COL23A1: variants seen among roughly 807,000 people sequenced by gnomAD.
COL23A1 encodes the protein collagen type XXIII alpha 1 chain, also known as collagen alpha-1(XXIII) chain.
In COL23A1, 97 loss-of-function variants were observed where a neutral mutation model predicts 99.3. The observed-to-expected ratio is 0.98, with a 90% CI of 0.83 to 1.16. The LOEUF is 1.16. Ranked by LOEUF, COL23A1 falls within the 50% of genes most tolerant of loss-of-function variation. The pLI is 0.00. For synonymous variants in COL23A1, 320 were observed against 308.2 expected (o/e 1.04, Z -0.40); for missense variants, 762 against 757.4 (o/e 1.01, Z -0.07).
rs536057943 is a variant in COL23A1 at position 178,447,721 on chromosome 5, T to C, written c.361+112961A>G. On this transcript the variant is annotated intron_variant, in intron 2 of 28. Coordinates refer to ENST00000390654, the MANE Select transcript of COL23A1 (RefSeq NM_173465.4). ...AATGCATCCCAGTTGTTAAGCTACA[T>C]GTGACCATATCTGGAAGAGAAAAAG... is the stretch of plus-strand genomic sequence containing the variant. 8.5e-5 allele frequency among the ~76,000 whole-genome samples: 13 copies of C among 152,252 alleles called. No individual in the cohort carries two copies. In the South Asian group the frequency reaches 2.3e-3, roughly 27 times the overall value.
intron 3 of COL23A1, among the ~76,000 whole-genome samples, chr5:178,299,347 A>T (rs1481983679): frequency 1.3e-5 from 2 of 152,190 alleles, no homozygotes; most frequent in Non-Finnish European, 2.9e-5. Context: ...AGGTCTATTC[A>T]GATTTTTGAC....
At chr5:178,537,441 T>C (rs1761036370) in intron 2 of COL23A1, among the ~76,000 whole-genome samples, 1 of 152,218 alleles carries the variant, frequency 6.6e-6, no homozygotes, top group Non-Finnish European at 1.5e-5. Context: ...CGATATTTCC[T>C]GGGTCATAGA....
intron 2 of COL23A1, among the ~76,000 whole-genome samples, chr5:178,379,396 G>C (rs985907471): frequency 2.0e-4 from 31 of 152,188 alleles, no homozygotes; most frequent in Non-Finnish European, 1.3e-4. Flanking sequence ...TACATGCAGA[G>C]AAAGAGGCCT....
intron 2 of COL23A1, among the ~76,000 whole-genome samples, chr5:178,325,010 G>A (rs569868707): frequency 5.9e-5 from 9 of 152,330 alleles, no homozygotes; most frequent in South Asian, 2.1e-4. Flanking sequence ...AACACCTCGC[G>A]AAGCAGCCAC....
intron 2 of COL23A1, among the ~76,000 whole-genome samples, chr5:178,501,076 C>T (rs1249243866): frequency 6.6e-6 from 1 of 152,108 alleles, no homozygotes; most frequent in Admixed American, 6.5e-5. Context: ...TCCCACTATG[C>T]ACAAATAAAA....
chr5:178,241,819 G>C (rs1302923834), intron 27 of COL23A1, among the ~76,000 whole-genome samples: 1 of 152,256 alleles, frequency 6.6e-6, no homozygotes, highest in African/African-American at 2.4e-5. Flanking sequence ...GAGGGGCTGG[G>C]TTCCCTGAGT....
chr5:178,380,622 C>T (rs6875766), intron 2 of COL23A1, among the ~76,000 whole-genome samples: 2,930 of 152,142 alleles, frequency 0.019, 99 homozygotes, highest in African/African-American at 0.067. Flanking sequence ...CGTTTTAAAA[C>T]CAGAATGAGT....
intron 5 of COL23A1, 66 bp downstream of exon 5, chr5:178,288,258 C>T (rs1409763342): frequency 3.8e-6 from 5 of 1,325,294 alleles, no homozygotes; most frequent in South Asian, 1.2e-5. Context: ...TAAATCAAGG[C>T]TCAGGGAAAG....
intron 2 of COL23A1, among the ~76,000 whole-genome samples, chr5:178,389,885 G>A (rs185740873): frequency 2.8e-4 from 42 of 152,320 alleles, no homozygotes; most frequent in Admixed American, 2.0e-3. Context: ...CTCCTGAGCC[G>A]TTCTGAAGTG....
chr5:178,265,880 G>A, intron 8 of COL23A1: 1 of 171,874 alleles, frequency 5.8e-6, no homozygotes, highest in Non-Finnish European at 1.2e-5. Flanking sequence ...AAGGATGGCT[G>A]CTTACCAGCT....
intron 1 of COL23A1, among the ~76,000 whole-genome samples, chr5:178,586,932 T>G (rs186140795): frequency 1.3e-5 from 2 of 152,270 alleles, no homozygotes. Flanking sequence ...TTTACTCGAG[T>G]CTCTGGGCTT....
chr5:178,494,385 G>C (rs2127975525), intron 2 of COL23A1, among the ~76,000 whole-genome samples: 1 of 152,308 alleles, frequency 6.6e-6, no homozygotes, highest in South Asian at 2.1e-4. Context: ...TGGGAGGATG[G>C]GGGTTGCTCC....
chr5:178,292,169 C>T (rs1757496531), intron 3 of COL23A1, among the ~76,000 whole-genome samples: 1 of 152,112 alleles, frequency 6.6e-6, no homozygotes, highest in Non-Finnish European at 1.5e-5. Context: ...CTGTACCTGC[C>T]TTTCCACCTG....
chr5:178,249,305 T>C (rs1764885721), intron 18 of COL23A1, 99 bp from the exon 19 acceptor site: 1 of 1,180,168 alleles, frequency 8.5e-7, no homozygotes, highest in Non-Finnish European at 1.3e-6. Flanking sequence ...AGGGCCCCAC[T>C]TTCTCTTTGT....
At chr5:178,546,933 G>A (rs1193755645) in intron 2 of COL23A1, among the ~76,000 whole-genome samples, 3 of 152,144 alleles carry the variant, frequency 2.0e-5, no homozygotes, top group African/African-American at 7.2e-5. Context: ...GGAGGAACAC[G>A]GAGGAGGCAC....
Position 178,324,383 on chromosome 5 carries a change from T to C in COL23A1, c.362-17464A>G, listed in dbSNP as rs530301511. Among the ~76,000 whole-genome samples the C allele has an allele frequency of 2.6e-5, 4 of 152,290 alleles. No homozygotes were observed. In the South Asian group the frequency reaches 8.3e-4, roughly 32 times the overall value. On this transcript the variant is annotated intron_variant, in intron 2 of 28. Transcript: ENST00000390654. ...GCTTTTCACCGTGCTGTGTTGTCTT[T>C]TATGCGCTCAGGATGGCTGGAGTCA...
intron 2 of COL23A1, among the ~76,000 whole-genome samples, chr5:178,552,842 T>G (rs1410668311): frequency 6.6e-6 from 1 of 151,806 alleles, no homozygotes; most frequent in Non-Finnish European, 1.5e-5. Context: ...GTCTCCTGAG[T>G]AGCTGGGACT....
chr5:178,346,881 C>T (rs898217910), intron 2 of COL23A1, among the ~76,000 whole-genome samples: 19 of 152,236 alleles, frequency 1.2e-4, no homozygotes, highest in Non-Finnish European at 1.2e-4. Context: ...AAAGCTCCAG[C>T]GGAAATCCCA....
chr5:178,512,681 G>A (rs574282668), intron 2 of COL23A1, among the ~76,000 whole-genome samples: 1 of 152,282 alleles, frequency 6.6e-6, no homozygotes, highest in African/African-American at 2.4e-5. Context: ...AGGCTGGATA[G>A]GTGCAGAAGA....
Sources: allele counts gnomAD v4.1 joint callset (sites outside exome capture counted in the v4.1 genomes callset), GRCh38; gene constraint gnomAD v4.1.1; transcripts MANE v1.5; gene names NCBI Gene and HGNC (gene_info 2026-07-23, HGNC 2026-07-21).